PPP1R1B: variants seen among roughly 807,000 people sequenced by gnomAD.
PPP1R1B encodes the protein protein phosphatase 1 regulatory subunit 1B.
A neutral mutation model predicts 28.2 loss-of-function variants in PPP1R1B; 13 were observed. That is an observed-to-expected ratio of 0.46 (90% CI 0.30 to 0.73). The LOEUF (loss-of-function observed/expected upper bound fraction) is 0.73, where lower values mean the gene tolerates loss of function less well. PPP1R1B is among the 30% of genes least tolerant of loss of function. The pLI, the probability that PPP1R1B is intolerant of heterozygous loss-of-function variation, is 0.07. For missense variants in PPP1R1B, 236 were observed against 256.7 expected, an observed-to-expected ratio of 0.92 and a Z score of 0.55; for synonymous variants, 102 against 97.5, an observed-to-expected ratio of 1.05 and a Z score of -0.27.
chr17:39,628,695 A>G (rs2056854070), intron 1 of PPP1R1B: 1 of 988,816 alleles, frequency 1.0e-6, no homozygotes, highest in Non-Finnish European at 1.2e-6. Flanking sequence ...GAAGCCCTTG[A>G]GCTGATCTTA....
rs756069251 is a variant in PPP1R1B, at chr17:39,629,176, C to T, written c.88C>T (p.Arg30Cys). ...CCTCCCTCCATCTCCTTAGATCCGG[C>T]GCAGGAGACCAACGCCTGCCATGCT... ...LDPRQVEMIR[R>C]RRPTPAMLFR... Residue 30 changes from arginine (R) to cysteine (C), a missense_variant, in exon 2 of 7, where the codon CGC (arginine) becomes TGC (cysteine). Coordinates refer to ENST00000254079, the MANE Select transcript of PPP1R1B (RefSeq NM_032192.4). 8 of 1,613,416 alleles carry T rather than the reference C, an allele frequency of 5.0e-6. No homozygotes were observed. Among genetic ancestry groups the T allele is most frequent in the East Asian group, 2.2e-5 (1 of 44,872 alleles).
intron 5 of PPP1R1B, 92 bp downstream of exon 5, chr17:39,634,178 C>A: frequency 6.6e-7 from 1 of 1,517,370 alleles, no homozygotes; most frequent in Non-Finnish European, 9.0e-7. Flanking sequence ...CTCATACACG[C>A]AAACTGTAGT....
At position 39,635,857 on chromosome 17, in the gene PPP1R1B, G is replaced by A. The variant is rs745743199; in HGVS notation, c.607G>A (p.Gly203Ser). ...EPQRPSPSEP[G>S]T The stretch of plus-strand genomic sequence containing the variant: ...TCAGCGCCCTTCCCCCTCTGAGCCT[G>A]GCACATAGGCACCCAGCCTGCATCT... Residue 203 changes from glycine to serine, a missense_variant, in exon 7 of 7, where the codon GGC becomes AGC. Gly to Ser is a moderately conservative substitution (Grantham distance 56, BLOSUM62 0). Transcript: ENST00000254079. 6.2e-7 allele frequency: 1 copy of A among 1,612,898 alleles called. No homozygotes were observed. Among genetic ancestry groups the A allele is most frequent in the South Asian group, 1.1e-5 (1 of 90,990 alleles).
intron 1 of PPP1R1B, chr17:39,628,561 C>G (rs2056853040): frequency 1.0e-6 from 1 of 985,738 alleles, no homozygotes; most frequent in African/African-American, 1.7e-5. Flanking sequence ...GAAAAGAAGC[C>G]CAAACCAAGG....
At chr17:39,631,978 G>A (rs767738823) in intron 4 of PPP1R1B, among the ~76,000 whole-genome samples, 6 of 152,204 alleles carry the variant, frequency 3.9e-5, no homozygotes, top group Admixed American at 6.5e-5. Flanking sequence ...GCAAGCATGG[G>A]CGAACAGGCC....
At position 39,633,869 on chromosome 17, in the gene PPP1R1B, C is replaced by A. The variant is rs776794530; in HGVS notation, c.242-14C>A. On this transcript the variant is annotated splice_polypyrimidine_tract_variant and intron_variant, in intron 4 of 6. Transcript: ENST00000254079. ...CTAGCTGACCCTTGCTTTCCTCGGT[C>A]TCCTCTGTGCCAGCTGTGCAGCGCA... 3 of 1,612,954 alleles carry A rather than the reference C, an allele frequency of 1.9e-6. No individual in the cohort carries two copies. The highest frequency in any genetic ancestry group is 2.2e-5 in the South Asian group (2 of 90,790).
In PPP1R1B at chr17:39,633,872, C is replaced by T. The variant is rs1004899298; in HGVS notation, c.242-11C>T. 2 of 1,613,154 alleles carry T rather than the reference C, an allele frequency of 1.2e-6. No homozygotes were observed. The highest frequency in any genetic ancestry group is 1.7e-6 in the Non-Finnish European group (2 of 1,179,728). ...GCTGACCCTTGCTTTCCTCGGTCTC[C>T]TCTGTGCCAGCTGTGCAGCGCATTG... On this transcript the variant is annotated splice_polypyrimidine_tract_variant and intron_variant, in intron 4 of 6. Coordinates refer to ENST00000254079, the MANE Select transcript of PPP1R1B (RefSeq NM_032192.4).
intron 3 of PPP1R1B, 103 bp downstream of exon 3, chr17:39,629,665 G>A: frequency 1.6e-6 from 2 of 1,220,182 alleles, no homozygotes; most frequent in Non-Finnish European, 2.4e-6. Flanking sequence ...TGCCACCCAA[G>A]AGGACACATT....
rs186408518 is a variant in PPP1R1B at position 39,628,519 on chromosome 17, G to T, written c.82-651G>T. Reference sequence around the variant, plus strand: ...CAACTTTTCATTTCTCACAAGGACTGGGTGAAGAGTTCTGCAGCCTTACAG... The same window carrying T: ...CAACTTTTCATTTCTCACAAGGACTTGGTGAAGAGTTCTGCAGCCTTACAG... On this transcript the variant is annotated intron_variant, in intron 1 of 6. Coordinates refer to ENST00000254079, the MANE Select transcript of PPP1R1B (RefSeq NM_032192.4). The T allele has an allele frequency of 1.6e-4, 156 of 985,576 alleles. 1 individual carries two copies. The Admixed American group carries it at 4.7e-3, about 30-fold the overall frequency. 61.1% of individuals were successfully genotyped at this position (985,576 alleles called of 1,614,324 possible).
At position 39,629,955 on chromosome 17, in the gene PPP1R1B, G is replaced by A. The variant is rs1203462286; in HGVS notation, c.166-17G>A. 2 of 1,613,610 alleles carry A rather than the reference G, an allele frequency of 1.2e-6. No homozygotes were observed. Among genetic ancestry groups the A allele is most frequent in the Non-Finnish European group, 1.7e-6 (2 of 1,179,530 alleles). On this transcript the variant is annotated splice_polypyrimidine_tract_variant and intron_variant, in intron 3 of 6. Transcript: ENST00000254079. ...GGCCTCTGCTGAGCCCCTTTAACCT[G>A]GCACTTCCCCTGGCAGAGAGCCTCA...
intron 4 of PPP1R1B, chr17:39,633,599 T>G (rs2056894297): frequency 2.8e-6 from 1 of 360,296 alleles, no homozygotes. Flanking sequence ...CCGCCTGGTC[T>G]TGCCCAGCCT....
chr17:39,628,630 G>T (rs940028435), intron 1 of PPP1R1B: 5 of 986,236 alleles, frequency 5.1e-6, no homozygotes, highest in Middle Eastern at 5.2e-4. Context: ...GAGGTGGGGG[G>T]TGCCTGCAGT....
intron 4 of PPP1R1B, among the ~76,000 whole-genome samples, chr17:39,630,808 G>A (rs2056871615): frequency 6.6e-6 from 1 of 152,208 alleles, no homozygotes; most frequent in South Asian, 2.1e-4. Flanking sequence ...AGTGACTCAC[G>A]CCTGTAATCC....
chr17:39,627,591 G>A (rs901319130), intron 1 of PPP1R1B, 118 bp downstream of exon 1: 12 of 646,130 alleles, frequency 1.9e-5, no homozygotes, highest in African/African-American at 3.9e-5. Flanking sequence ...AAGGAGAGCC[G>A]GGCTCTGCCT....
chr17:39,629,150 C>T lies in PPP1R1B; in HGVS notation c.82-20C>T. 6.2e-7 allele frequency: 1 copy of T among 1,612,584 alleles called. No homozygotes were observed. The highest frequency in any genetic ancestry group is 2.2e-5 in the East Asian group (1 of 44,870). On this transcript the variant is annotated intron_variant, in intron 1 of 6. Coordinates refer to ENST00000254079, the MANE Select transcript of PPP1R1B (RefSeq NM_032192.4). ...GGGCTGCAGGTGTCCATCCAGTCACCCCTCCCTCCATCTCCTTAGATCCGG... is the reference window on the plus strand; with the variant it reads ...GGGCTGCAGGTGTCCATCCAGTCACTCCTCCCTCCATCTCCTTAGATCCGG...
intron 3 of PPP1R1B, 89 bp downstream of exon 3, chr17:39,629,651 G>A: frequency 7.2e-7 from 1 of 1,384,314 alleles, no homozygotes; most frequent in South Asian, 1.2e-5. Context: ...CAACCAGTAT[G>A]GGGTGCCACC....
intron 2 of PPP1R1B, 91 bp from the exon 3 acceptor site, chr17:39,629,449 G>T: frequency 6.5e-7 from 1 of 1,547,698 alleles, no homozygotes; most frequent in Non-Finnish European, 8.9e-7. Context: ...TGAGACCCTG[G>T]GGAAAATAAC....
At chr17:39,630,371 A>T (rs917688666) in intron 4 of PPP1R1B, 1 of 358,780 alleles carries the variant, frequency 2.8e-6, no homozygotes, top group Non-Finnish European at 5.3e-6. Flanking sequence ...CCTGTGGTGG[A>T]CCACCTCCCA....
intron 3 of PPP1R1B, 94 bp from the exon 4 acceptor site, chr17:39,629,878 G>A: frequency 7.8e-7 from 1 of 1,275,954 alleles, no homozygotes; most frequent in East Asian, 2.4e-5. Context: ...GGCTAAATCA[G>A]TCTGCTTGGG....
Sources: allele counts gnomAD v4.1 joint callset (sites outside exome capture counted in the v4.1 genomes callset), GRCh38; gene constraint gnomAD v4.1.1; transcripts MANE v1.5; gene names NCBI Gene and HGNC (gene_info 2026-07-23, HGNC 2026-07-21).